The following PDSS2 variants were observed in gnomAD, a reference collection of about 807,000 sequenced individuals.
The protein encoded by PDSS2 is decaprenyl diphosphate synthase subunit 2.
A neutral mutation model predicts 44.5 loss-of-function variants in PDSS2; 31 were observed. The ratio of observed to expected loss-of-function variants is 0.70; its 90% CI spans 0.52 to 0.94. PDSS2 has a LOEUF of 0.94. PDSS2 is among the 40% of genes least tolerant of loss of function. PDSS2 has a pLI of 0.00. For missense variants in PDSS2, 452 were observed against 482.2 expected (o/e 0.94, Z 0.59); for synonymous variants, 157 against 180.3 (o/e 0.87, Z 1.03).
At chr6:107,266,386 ATT>A (rs61087986) in intron 3 of PDSS2, among the ~76,000 whole-genome samples, 4 of 143,242 alleles carry the variant, frequency 2.8e-5, no homozygotes, top group African/African-American at 7.6e-5. Flanking sequence ...CCCCTGAGGC[ATT>A]TTTTTTTTTT....
chr6:107,161,104 A>T (rs1771109375), intron 7 of PDSS2, among the ~76,000 whole-genome samples: 1 of 151,058 alleles, frequency 6.6e-6, no homozygotes, highest in African/African-American at 2.4e-5. Context: ...CAAACTCCTG[A>T]GCTCAAGTGA....
At chr6:107,231,031 A>C (rs1774031688) in intron 4 of PDSS2, among the ~76,000 whole-genome samples, 1 of 152,138 alleles carries the variant, frequency 6.6e-6, no homozygotes, top group African/African-American at 2.4e-5. Flanking sequence ...CAAGATGGTA[A>C]GACCCCATCT....
intron 1 of PDSS2, among the ~76,000 whole-genome samples, chr6:107,426,305 G>A (rs549078809): frequency 6.6e-6 from 1 of 152,218 alleles, no homozygotes; most frequent in Non-Finnish European, 1.5e-5. Flanking sequence ...ACACGGTGTT[G>A]AGCCTTTGAG....
chr6:107,342,510 C>T (rs886183436), intron 1 of PDSS2, among the ~76,000 whole-genome samples: 8 of 152,010 alleles, frequency 5.3e-5, no homozygotes, highest in South Asian at 4.2e-4. Context: ...AAATGTATGC[C>T]GTATCAAAGG....
intron 2 of PDSS2, among the ~76,000 whole-genome samples, chr6:107,289,209 C>G (rs1028088812): frequency 2.6e-5 from 4 of 151,208 alleles, no homozygotes; most frequent in African/African-American, 7.3e-5. Flanking sequence ...CCCATCTCTA[C>G]TAAAAATACA....
chr6:107,251,427 G>A (rs74693037), intron 3 of PDSS2, among the ~76,000 whole-genome samples: 2,131 of 152,242 alleles, frequency 0.014, 52 homozygotes, highest in African/African-American at 0.049. Flanking sequence ...CTATTTGGAG[G>A]TGAATAACAC....
chr6:107,189,736 G>C (rs939667511), intron 7 of PDSS2, among the ~76,000 whole-genome samples: 3 of 152,200 alleles, frequency 2.0e-5, no homozygotes, highest in Admixed American at 6.6e-5. Flanking sequence ...CTTGGTCCAG[G>C]GGTGCTCTTA....
intron 2 of PDSS2, among the ~76,000 whole-genome samples, chr6:107,320,167 A>G (rs1777338005): frequency 6.6e-6 from 1 of 152,174 alleles, no homozygotes; most frequent in Non-Finnish European, 1.5e-5. Flanking sequence ...ACTATATTGG[A>G]TAGTGTTCAA....
chr6:107,334,692 C>T (rs1306008000), intron 1 of PDSS2, among the ~76,000 whole-genome samples: 1 of 147,462 alleles, frequency 6.8e-6, no homozygotes, highest in Non-Finnish European at 1.5e-5. Flanking sequence ...AGGTATGCAC[C>T]ACGATGCTCA....
intron 1 of PDSS2, among the ~76,000 whole-genome samples, chr6:107,455,919 C>T (rs1176874275): frequency 1.3e-5 from 2 of 151,956 alleles, no homozygotes; most frequent in Non-Finnish European, 2.9e-5. Context: ...CCAACAATTA[C>T]GCTCTTGTTT....
At chr6:107,317,410 C>T (rs1358980338) in intron 2 of PDSS2, among the ~76,000 whole-genome samples, 10 of 151,976 alleles carry the variant, frequency 6.6e-5, no homozygotes, top group Admixed American at 6.6e-4. Context: ...CAGGGAGAGC[C>T]CCAGAGTGAT....
chr6:107,237,929 A>C (rs866460576), intron 4 of PDSS2, among the ~76,000 whole-genome samples: 8 of 151,952 alleles, frequency 5.3e-5, no homozygotes, highest in African/African-American at 1.7e-4. Flanking sequence ...AAGAAAATAA[A>C]TGGACAGAAG....
intron 4 of PDSS2, among the ~76,000 whole-genome samples, chr6:107,226,893 G>A (rs932034545): frequency 6.6e-6 from 1 of 151,844 alleles, no homozygotes; most frequent in African/African-American, 2.4e-5. Context: ...GGCTGGTCTT[G>A]AGCTCCTGAT....
At chr6:107,212,345 T>C (rs1451650934) in intron 4 of PDSS2, 63 bp from the exon 5 acceptor site, 16 of 1,362,386 alleles carry the variant, frequency 1.2e-5, no homozygotes, top group Admixed American at 8.4e-5. Context: ...GTTTCTGTTT[T>C]TGAAGAATAA....
intron 1 of PDSS2, among the ~76,000 whole-genome samples, chr6:107,455,058 C>T (rs1037535188): frequency 1.3e-5 from 2 of 151,998 alleles, no homozygotes; most frequent in African/African-American, 4.8e-5. Context: ...TTAGCTCTTT[C>T]TTTTCTTACA....
At position 107,459,468 on chromosome 6, in the gene PDSS2, G is replaced by C; in HGVS notation, c.-183C>G. 1 of 613,740 alleles carries C rather than the reference G, an allele frequency of 1.6e-6. No individual in the cohort carries two copies. Among genetic ancestry groups the C allele is most frequent in the South Asian group, 1.9e-5 (1 of 51,726 alleles). The allele number at this position is 613,740 out of a possible 1,614,324, so 38.0% of individuals were successfully genotyped here. ...TTAACTGCTGCTTTCTGCAGCCCAG[G>C]CTGGGCAAACAACAGTCCCAGCTCA... On this transcript the variant is annotated 5_prime_UTR_variant, in exon 1 of 8. Transcript: ENST00000369037. This position sits in a 1 kb window ranked among gnomAD's most constrained non-coding sequence, Gnocchi z 4.3.
intron 3 of PDSS2, among the ~76,000 whole-genome samples, chr6:107,272,089 A>AC (rs1198662655): frequency 6.6e-6 from 1 of 150,660 alleles, no homozygotes; most frequent in East Asian, 2.0e-4. Context: ...AGAAACAAAA[A>AC]AAAAAAAAAG....
intron 3 of PDSS2, among the ~76,000 whole-genome samples, chr6:107,259,859 C>T (rs1775154831): frequency 6.6e-6 from 1 of 152,084 alleles, no homozygotes; most frequent in South Asian, 2.1e-4. Context: ...AAGTGATCCC[C>T]AAGAGTGTAG....
At chr6:107,308,747 G>T (rs978267123) in intron 2 of PDSS2, among the ~76,000 whole-genome samples, 1 of 152,208 alleles carries the variant, frequency 6.6e-6, no homozygotes, top group Non-Finnish European at 1.5e-5. Flanking sequence ...TGCCATGCAT[G>T]GCTGCCACCA....
Sources: allele counts gnomAD v4.1 joint callset (sites outside exome capture counted in the v4.1 genomes callset), GRCh38; gene constraint gnomAD v4.1.1; non-coding constraint Gnocchi (gnomAD v3.1); transcripts MANE v1.5; gene names NCBI Gene and HGNC (gene_info 2026-07-23, HGNC 2026-07-21).